The following CFAP95 variants were observed in gnomAD, a reference collection of about 807,000 sequenced individuals.
CFAP95 encodes cilia and flagella associated protein 95.
At chr9:69,823,969 A>G in the CFAP95 span, among the ~76,000 whole-genome samples, 914 of 152,284 alleles carry the variant, frequency 6.0e-3, 5 homozygotes, top group African/African-American at 0.02. Flanking sequence ...GGAACTGGCC[A>G]TCTAGATGTG....
At chr9:69,870,361 A>G in the CFAP95 span, among the ~76,000 whole-genome samples, 1 of 152,340 alleles carries the variant, frequency 6.6e-6, no homozygotes, top group African/African-American at 2.4e-5. Flanking sequence ...CAGGAAACCT[A>G]ACTAATAGCA....
chr9:69,831,492 C>T, the CFAP95 span, among the ~76,000 whole-genome samples: 1 of 151,926 alleles, frequency 6.6e-6, no homozygotes, highest in African/African-American at 2.4e-5. Flanking sequence ...CTGTTGAAAG[C>T]ACTTTGCTGG....
chr9:69,849,930 T>C, the CFAP95 span, among the ~76,000 whole-genome samples: 3 of 152,194 alleles, frequency 2.0e-5, no homozygotes, highest in African/African-American at 7.2e-5. Flanking sequence ...TACATATCTC[T>C]ACCCAGGTGA....
At chr9:69,902,530 A>G in the CFAP95 span, 7 of 276,174 alleles carry the variant, frequency 2.5e-5, no homozygotes, top group Non-Finnish European at 4.9e-5. Context: ...AGGAAAACAC[A>G]TGAATAATTT....
chr9:69,900,754 T>C, the CFAP95 span, among the ~76,000 whole-genome samples: 3 of 152,194 alleles, frequency 2.0e-5, no homozygotes, highest in Non-Finnish European at 4.4e-5. Context: ...TGGCTCAAGA[T>C]TGATGAGTCT....
the CFAP95 span, among the ~76,000 whole-genome samples, chr9:69,844,144 A>G: frequency 1.8e-4 from 27 of 152,298 alleles, 1 homozygote; most frequent in African/African-American, 6.3e-4. Context: ...AATTCATGGT[A>G]GAAAGAATTT....
At chr9:69,877,727 G>A in the CFAP95 span, among the ~76,000 whole-genome samples, 3 of 152,132 alleles carry the variant, frequency 2.0e-5, no homozygotes, top group Admixed American at 6.5e-5. Context: ...GTCATCCATG[G>A]AAGATGATGA....
At chr9:69,865,930 A>G in the CFAP95 span, among the ~76,000 whole-genome samples, 1 of 152,298 alleles carries the variant, frequency 6.6e-6, no homozygotes, top group South Asian at 2.1e-4. Context: ...AATTGGTTTC[A>G]TCATTATCTG....
chr9:69,830,035 G>A, the CFAP95 span, among the ~76,000 whole-genome samples: 1 of 152,176 alleles, frequency 6.6e-6, no homozygotes, highest in African/African-American at 2.4e-5. Context: ...TGGGCCTTAG[G>A]AACAACTGGA....
chr9:69,850,807 G>A, the CFAP95 span, among the ~76,000 whole-genome samples: 1 of 152,148 alleles, frequency 6.6e-6, no homozygotes, highest in Non-Finnish European at 1.5e-5. Flanking sequence ...TGTGGTTGAT[G>A]TCACAGGTTT....
the CFAP95 span, among the ~76,000 whole-genome samples, chr9:69,846,430 A>G: frequency 6.6e-6 from 1 of 152,210 alleles, no homozygotes; most frequent in African/African-American, 2.4e-5. Flanking sequence ...ATTCAATAGA[A>G]AAGAAAATAG....
chr9:69,862,424 C>A, the CFAP95 span, among the ~76,000 whole-genome samples: 1 of 152,180 alleles, frequency 6.6e-6, no homozygotes, highest in Non-Finnish European at 1.5e-5. Context: ...ATATGTAATT[C>A]TTTCTTTCAG....
the CFAP95 span, among the ~76,000 whole-genome samples, chr9:69,903,328 C>T: frequency 1.3e-5 from 2 of 152,218 alleles, no homozygotes; most frequent in African/African-American, 4.8e-5. Flanking sequence ...GAACCTATTA[C>T]TGTCATTGAG....
chr9:69,851,133 G>A, the CFAP95 span, among the ~76,000 whole-genome samples: 165 of 152,164 alleles, frequency 1.1e-3, no homozygotes, highest in African/African-American at 3.7e-3. Flanking sequence ...ATTTATATTA[G>A]TTTGCTTAAG....
the CFAP95 span, among the ~76,000 whole-genome samples, chr9:69,837,624 G>A: frequency 2.0e-5 from 3 of 152,154 alleles, no homozygotes; most frequent in Admixed American, 1.3e-4. Context: ...GTAGATTCTG[G>A]ATATTAGCCC....
chr9:69,895,299 G>A, the CFAP95 span, among the ~76,000 whole-genome samples: 4 of 150,372 alleles, frequency 2.7e-5, no homozygotes, highest in Non-Finnish European at 5.9e-5. Context: ...TTACTTGCTG[G>A]CCTCCACAAT....
chr9:69,900,263 C>T, the CFAP95 span, among the ~76,000 whole-genome samples: 1 of 152,102 alleles, frequency 6.6e-6, no homozygotes, highest in Non-Finnish European at 1.5e-5. Flanking sequence ...TTTTTCTCTC[C>T]TCATGACTAT....
chr9:69,827,662 C>T, the CFAP95 span, among the ~76,000 whole-genome samples: 1 of 152,180 alleles, frequency 6.6e-6, no homozygotes, highest in Non-Finnish European at 1.5e-5. Context: ...CCTGGTCCAA[C>T]CGCTGTGCAT....
the CFAP95 span, among the ~76,000 whole-genome samples, chr9:69,889,156 C>A: frequency 6.6e-6 from 1 of 152,120 alleles, no homozygotes; most frequent in Non-Finnish European, 1.5e-5. Flanking sequence ...CATAACAGTT[C>A]TTTTTCTGAA....
Sources: allele counts gnomAD v4.1 joint callset (sites outside exome capture counted in the v4.1 genomes callset), GRCh38; gene constraint gnomAD v4.1.1; transcripts MANE v1.5; gene names NCBI Gene and HGNC (gene_info 2026-07-23, HGNC 2026-07-21).